Variants in SAMD12 observed in about 807,000 individuals in gnomAD.
SAMD12 encodes sterile alpha motif domain-containing protein 12.
Under a neutral mutation model 15.0 loss-of-function variants are expected in SAMD12, and 9 were observed. The ratio of observed to expected loss-of-function variants is 0.60; its 90% CI spans 0.36 to 1.05. The LOEUF (loss-of-function observed/expected upper bound fraction) is 1.05. SAMD12 is among the 50% of genes least tolerant of loss of function. SAMD12 has a pLI of 0.01. For synonymous variants in SAMD12, 86 were observed against 90.1 expected (o/e 0.96, Z 0.25); for missense variants, 230 against 234.2 (o/e 0.98, Z 0.12).
chr8:118,458,110 T>A (rs1372905834), intron 2 of SAMD12, among the ~76,000 whole-genome samples: 1 of 152,194 alleles, frequency 6.6e-6, no homozygotes, highest in South Asian at 2.1e-4. Context: ...GAATGAACAA[T>A]GACACTAAAA....
chr8:118,564,121 T>C (rs924391574), intron 2 of SAMD12, among the ~76,000 whole-genome samples: 2 of 152,118 alleles, frequency 1.3e-5, no homozygotes, highest in African/African-American at 2.4e-5. Flanking sequence ...CAGATTTGCA[T>C]AGAGGAGGTA....
chr8:118,583,277 C>T (rs1444587653), intron 1 of SAMD12, among the ~76,000 whole-genome samples: 1 of 152,108 alleles, frequency 6.6e-6, no homozygotes, highest in Non-Finnish European at 1.5e-5. Context: ...AACTTAGTAG[C>T]CAAAGCCTCT....
rs1266001468 is a variant in SAMD12, at chr8:118,548,406, CACACACACACACACA to C, written c.192+32294_192+32308del. The stretch of plus-strand genomic sequence containing the variant: ...ACATACACACACACACACACACACA[CACACACACACACACA>C]CACCCCATGTGATGGGTAACTTAAT... On this transcript the variant is annotated intron_variant, in intron 2 of 3. Coordinates refer to ENST00000314727, the MANE Select transcript of SAMD12 (RefSeq NM_207506.3). 5.9e-4 allele frequency among the ~76,000 whole-genome samples: 90 copies of C among 151,312 alleles called. 2 individuals carry two copies. The highest frequency in any genetic ancestry group is 2.1e-3 in the African/African-American group (88 of 41,392).
chr8:118,204,994 A>G (rs1319522038), intron 4 of SAMD12, among the ~76,000 whole-genome samples: 1 of 152,222 alleles, frequency 6.6e-6, no homozygotes, highest in Non-Finnish European at 1.5e-5. Context: ...GGGTTTGTCT[A>G]TAAAGGTATT....
chr8:118,420,006 T>C (rs2514990), intron 3 of SAMD12, among the ~76,000 whole-genome samples: 130,470 of 152,212 alleles, frequency 0.86, 56,027 homozygotes, highest in African/African-American at 0.91. Context: ...AGAGAGAGGC[T>C]GACAGAAAGA....
intron 2 of SAMD12, among the ~76,000 whole-genome samples, chr8:118,541,181 T>C (rs552661411): frequency 3.9e-5 from 6 of 152,344 alleles, no homozygotes; most frequent in Middle Eastern, 3.4e-3. Context: ...AGTAGATAGC[T>C]AGTGAGCCCA....
chr8:118,152,603 A>G, the SAMD12 span, among the ~76,000 whole-genome samples: 4 of 151,976 alleles, frequency 2.6e-5, no homozygotes, highest in Admixed American at 1.3e-4. Flanking sequence ...GTCTCAAACA[A>G]TCCTCCTGCC....
intron 4 of SAMD12, among the ~76,000 whole-genome samples, chr8:118,351,301 C>T (rs553895764): frequency 1.5e-4 from 23 of 152,294 alleles, no homozygotes; most frequent in Non-Finnish European, 2.9e-4. Context: ...GGACGTACCT[C>T]TCAACTCTGC....
rs561954442 is a variant in SAMD12, at chr8:118,221,736, T to C, written c.434-24004A>G. On this transcript the variant is annotated intron_variant, in intron 4 of 4. Transcript: ENST00000409003. ...GCAGAGGGTGTGCCACGGTCATAGTTATGGTTTAGAAATCTTGCTCCATAC... is the reference window on the plus strand; with the variant it reads ...GCAGAGGGTGTGCCACGGTCATAGTCATGGTTTAGAAATCTTGCTCCATAC... Among the ~76,000 whole-genome samples, 15 of 152,300 alleles carry C rather than the reference T, an allele frequency of 9.8e-5. No homozygotes were observed. The East Asian group carries it at 2.5e-3, about 25-fold the overall frequency.
the SAMD12 span, among the ~76,000 whole-genome samples, chr8:118,171,728 ATTTTTTTT>A: frequency 7.3e-6 from 1 of 136,232 alleles, no homozygotes. Context: ...TGGGTACAGG[ATTTTTTTT>A]TTTTTTTTTT....
intron 4 of SAMD12, among the ~76,000 whole-genome samples, chr8:118,360,315 A>C (rs548550666): frequency 1.8e-4 from 28 of 152,154 alleles, no homozygotes; most frequent in Non-Finnish European, 3.5e-4. Flanking sequence ...CCTGAATGCC[A>C]GGTTAACTCA....
the SAMD12 span, among the ~76,000 whole-genome samples, chr8:118,145,874 G>A: frequency 4.9e-3 from 749 of 152,272 alleles, 5 homozygotes; most frequent in Non-Finnish European, 7.5e-3. Flanking sequence ...CAAAAAGATC[G>A]TGGCCTCAGC....
At chr8:118,175,024 C>CAA in the SAMD12 span, among the ~76,000 whole-genome samples, 1 of 63,530 alleles carries the variant, frequency 1.6e-5, no homozygotes, top group Non-Finnish European at 4.4e-5. Context: ...AGCAGTAAAG[C>CAA]AAAAAAAAAC....
intron 2 of SAMD12, among the ~76,000 whole-genome samples, chr8:118,576,739 C>A (rs1165558326): frequency 6.6e-6 from 1 of 152,106 alleles, no homozygotes; most frequent in African/African-American, 2.4e-5. Context: ...TCTTTAGGAG[C>A]TGTGGCTTTG....
chr8:118,406,648 T>A (rs915971791), intron 3 of SAMD12, among the ~76,000 whole-genome samples: 1 of 152,112 alleles, frequency 6.6e-6, no homozygotes, highest in Non-Finnish European at 1.5e-5. Context: ...TATCCAAAAA[T>A]TTTTTCATGT....
chr8:118,242,648 A>T (rs535662121), intron 4 of SAMD12, among the ~76,000 whole-genome samples: 1 of 152,122 alleles, frequency 6.6e-6, no homozygotes. Context: ...GTCTTGGAAC[A>T]TATCTCCCAC....
downstream of SAMD12, among the ~76,000 whole-genome samples, chr8:118,373,692 T>C (rs1034375826): frequency 6.6e-6 from 1 of 152,164 alleles, no homozygotes; most frequent in African/African-American, 2.4e-5. Flanking sequence ...TTTCATCTTA[T>C]AGGGAATAAT....
chr8:118,140,856 T>C, the SAMD12 span, among the ~76,000 whole-genome samples: 2 of 152,164 alleles, frequency 1.3e-5, no homozygotes, highest in Non-Finnish European at 2.9e-5. Flanking sequence ...GGGAAACCAT[T>C]GCCTTGATTC....
chr8:118,207,914 C>T (rs1819908276), intron 4 of SAMD12, among the ~76,000 whole-genome samples: 1 of 107,930 alleles, frequency 9.3e-6, no homozygotes, highest in African/African-American at 3.9e-5. Context: ...AATACAAGGT[C>T]TACGTAAATA....
Sources: gnomAD v4.1 joint callset for allele counts (sites outside exome capture counted in the v4.1 genomes callset) on GRCh38, gnomAD v4.1.1 for gene constraint, MANE v1.5 for transcripts, NCBI Gene and HGNC (gene_info 2026-07-23, HGNC 2026-07-21) for gene names.